Variants in HHAT observed in about 807,000 individuals in gnomAD.
HHAT encodes protein-cysteine N-palmitoyltransferase HHAT.
In HHAT, 47 loss-of-function variants were observed where a neutral mutation model predicts 70.8. The observed-to-expected ratio is 0.66, with a 90% confidence interval of 0.53 to 0.85. The LOEUF is 0.85. Ranked by LOEUF, HHAT falls within the 40% of genes least tolerant of loss-of-function variation. The pLI is 0.00. For synonymous variants in HHAT, 228 were observed against 247.6 expected, an observed-to-expected ratio of 0.92 and a Z score of 0.74; for missense variants, 609 against 604.8, an observed-to-expected ratio of 1.01 and a Z score of -0.07.
At chr1:210,534,178 C>T (rs993419483) in intron 9 of HHAT, among the ~76,000 whole-genome samples, 5 of 152,182 alleles carry the variant, frequency 3.3e-5, no homozygotes, top group East Asian at 1.9e-4. Flanking sequence ...TGAGCAGGCA[C>T]CTATGGTCTG....
At chr1:210,626,083 G>T (rs1669776390) in intron 11 of HHAT, among the ~76,000 whole-genome samples, 1 of 152,172 alleles carries the variant, frequency 6.6e-6, no homozygotes, top group African/African-American at 2.4e-5. Flanking sequence ...AGATGTGTGG[G>T]GGTCAAGGGC....
rs80172805 is a variant in HHAT at position 210,335,802 on chromosome 1, C to T, written c.-44+6698C>T. ...ATAACAACATACACCTAAATGTGAA[C>T]GCTAAAACAAAGCACCTGGAAGAAA... On this transcript the variant is annotated intron_variant, in intron 1 of 11. Coordinates refer to ENST00000261458, the MANE Select transcript of HHAT (RefSeq NM_018194.6). Among the ~76,000 whole-genome samples the T allele has an allele frequency of 6.1e-3, 936 of 152,206 alleles. 17 individuals are homozygous for T. The East Asian group carries it at 0.083, about 13-fold the overall frequency.
At chr1:210,511,076 C>T (rs1402253346) in intron 8 of HHAT, among the ~76,000 whole-genome samples, 1 of 152,176 alleles carries the variant, frequency 6.6e-6, no homozygotes, top group Admixed American at 6.5e-5. Flanking sequence ...ATTTATGGGG[C>T]TGAACAAAGT....
chr1:210,622,259 C>G (rs190398081), intron 10 of HHAT, among the ~76,000 whole-genome samples: 2 of 152,266 alleles, frequency 1.3e-5, no homozygotes, highest in East Asian at 3.9e-4. Context: ...GTGTGGGTTT[C>G]TGGAGGATAT....
chr1:210,415,576 G>A (rs974021126), intron 6 of HHAT, among the ~76,000 whole-genome samples: 1 of 152,210 alleles, frequency 6.6e-6, no homozygotes, highest in Non-Finnish European at 1.5e-5. Flanking sequence ...TCTTAACAGT[G>A]CAGATTGGTA....
intron 9 of HHAT, among the ~76,000 whole-genome samples, chr1:210,562,154 C>A (rs895731692): frequency 1.3e-5 from 2 of 152,066 alleles, no homozygotes; most frequent in Admixed American, 1.3e-4. Flanking sequence ...TTTTAAGTAG[C>A]TGTTGAACAC....
chr1:210,583,609 G>A (rs1052228683), intron 9 of HHAT, among the ~76,000 whole-genome samples: 4 of 152,170 alleles, frequency 2.6e-5, no homozygotes, highest in South Asian at 2.1e-4. Context: ...CTATAAATTA[G>A]GAATAAAGAA....
At chr1:210,589,519 C>G (rs1661198885) in intron 10 of HHAT, 1 of 152,210 alleles carries the variant, frequency 6.6e-6, no homozygotes, top group Admixed American at 6.5e-5. Context: ...AGCCTGAAAA[C>G]ACAGTTACCA....
chr1:210,472,029 A>G lies in HHAT; in HGVS notation c.1007+7374A>G, dbSNP rs542357436. On this transcript the variant is annotated intron_variant, in intron 8 of 11. Coordinates refer to ENST00000261458, the MANE Select transcript of HHAT (RefSeq NM_018194.6). Reference sequence around the variant, plus strand: ...TAAGAACAAGTCTAATTCATCTAAAATATTCACCACCTTTGGAAAGTAAAA... The same window carrying G: ...TAAGAACAAGTCTAATTCATCTAAAGTATTCACCACCTTTGGAAAGTAAAA... Among the ~76,000 whole-genome samples the G allele has an allele frequency of 9.2e-5, 14 of 152,336 alleles. No individual in the cohort carries two copies. In the South Asian group the frequency reaches 2.9e-3, roughly 32 times the overall value.
chr1:210,470,258 C>T (rs549451328), intron 8 of HHAT, among the ~76,000 whole-genome samples: 2 of 152,140 alleles, frequency 1.3e-5, no homozygotes, highest in African/African-American at 4.8e-5. Flanking sequence ...AGACGGATTT[C>T]AAATTAGACG....
chr1:210,450,697 T>TAAAATGTAC (rs1358601426), intron 7 of HHAT, among the ~76,000 whole-genome samples: 1 of 151,688 alleles, frequency 6.6e-6, no homozygotes, highest in Non-Finnish European at 1.5e-5. Flanking sequence ...AATATATAGA[T>TAAAATGTAC]AAAATGTACA....
rs578233865 is a variant in HHAT at position 210,536,174 on chromosome 1, C to T, written c.1043+22986C>T. ...AGTACCTCATCACTGAAGCCACTGC[C>T]GTAAAATATATAAATAGCCTATGTG... On this transcript the variant is annotated intron_variant, in intron 9 of 11. Transcript: ENST00000261458. Among the ~76,000 whole-genome samples the T allele has an allele frequency of 5.3e-5, 8 of 152,274 alleles. No individual in the cohort carries two copies. The South Asian group carries it at 1.2e-3, about 24-fold the overall frequency.
intron 8 of HHAT, among the ~76,000 whole-genome samples, chr1:210,505,418 C>T (rs543619408): frequency 6.6e-6 from 1 of 152,128 alleles, no homozygotes; most frequent in Admixed American, 6.5e-5. Flanking sequence ...GGGGCCTGGT[C>T]GATCAGCCTC....
chr1:210,622,740 A>G (rs1669092857), intron 10 of HHAT, among the ~76,000 whole-genome samples: 1 of 152,196 alleles, frequency 6.6e-6, no homozygotes, highest in African/African-American at 2.4e-5. Flanking sequence ...CACTCTTATT[A>G]TGAGATTGCT....
At chr1:210,535,925 C>T (rs1186834231) in intron 9 of HHAT, among the ~76,000 whole-genome samples, 2 of 152,162 alleles carry the variant, frequency 1.3e-5, no homozygotes, top group Non-Finnish European at 2.9e-5. Flanking sequence ...GGAAGAGCAG[C>T]TTGCGGATGC....
At chr1:210,454,525 G>A (rs2093822624) in intron 7 of HHAT, among the ~76,000 whole-genome samples, 1 of 152,204 alleles carries the variant, frequency 6.6e-6, no homozygotes, top group African/African-American at 2.4e-5. Context: ...CTGCACTCCA[G>A]TCTGGGTGAC....
At chr1:210,454,948 A>G (rs2093831659) in intron 7 of HHAT, among the ~76,000 whole-genome samples, 1 of 152,234 alleles carries the variant, frequency 6.6e-6, no homozygotes, top group Non-Finnish European at 1.5e-5. Flanking sequence ...TGTTAAAGAA[A>G]AAGAAGAAAC....
intron 11 of HHAT, among the ~76,000 whole-genome samples, chr1:210,646,861 A>G (rs1405892625): frequency 1.3e-5 from 2 of 152,248 alleles, no homozygotes; most frequent in Non-Finnish European, 2.9e-5. Context: ...CTAGTTGGCA[A>G]TAAATGAAGA....
chr1:210,559,885 C>A (rs891978305), intron 9 of HHAT, among the ~76,000 whole-genome samples: 8 of 152,144 alleles, frequency 5.3e-5, no homozygotes, highest in African/African-American at 1.9e-4. Context: ...TATGGCAATT[C>A]CTTCCCAAAG....
Sources: gnomAD v4.1 joint callset for allele counts (sites outside exome capture counted in the v4.1 genomes callset) on GRCh38, gnomAD v4.1.1 for gene constraint, MANE v1.5 for transcripts, NCBI Gene and HGNC (gene_info 2026-07-23, HGNC 2026-07-21) for gene names.